The following KLHL15 variants were observed in gnomAD, a reference collection of about 807,000 sequenced individuals.
KLHL15 encodes kelch-like protein 15.
Under a neutral mutation model 29.3 loss-of-function variants are expected in KLHL15, and 1 was observed. The observed-to-expected ratio is 0.03, with a 90% CI of 0.01 to 0.16. The LOEUF is 0.16. Ranked by LOEUF, KLHL15 falls within the 10% of genes least tolerant of loss-of-function variation. KLHL15 has a pLI of 1.00. For synonymous variants in KLHL15, 212 were observed against 184.5 expected (o/e 1.15, Z -1.21); for missense variants, 215 against 478.5 (o/e 0.45, Z 5.14).
intron 2 of KLHL15, among the ~76,000 whole-genome samples, chrX:24,011,178 A>C (rs1242289386): frequency 9.2e-6 from 1 of 108,618 alleles, no homozygotes; most frequent in Non-Finnish European, 1.9e-5. Context: ...AAAAAAAAAA[A>C]AAAAGAAAAA....
chrX:24,022,722 GTTTT>G (rs530143102), intron 2 of KLHL15, among the ~76,000 whole-genome samples: 1 of 99,761 alleles, frequency 1.0e-5, no homozygotes, highest in Non-Finnish European at 2.0e-5. Flanking sequence ...CTGTTTCGCG[GTTTT>G]TTTTTTTTTT....
Position 24,006,572 on chromosome X carries a change from T to A in KLHL15, c.122A>T (p.Gln41Leu). Residue 41 changes from glutamine to leucine, a missense_variant, in exon 3 of 4, where the codon CAG becomes CTG. Transcript: ENST00000328046. Reference sequence around the variant, plus strand: ...CAAGAGTGCTTTATGGGCCTGGAACTGATGATCTTCAATAACCAGAGTGAC... The same window carrying A: ...CAAGAGTGCTTTATGGGCCTGGAACAGATGATCTTCAATAACCAGAGTGAC... Reference protein sequence around the residue: ...LDVTLVIEDHQFQAHKALLAT... With the variant: ...LDVTLVIEDHLFQAHKALLAT... The A allele has an allele frequency of 8.3e-7, 1 of 1,211,271 alleles. No homozygotes were observed. Among genetic ancestry groups the A allele is most frequent in the African/African-American group, 1.7e-5 (1 of 57,721 alleles).
At chrX:23,996,642 GAC>G (rs967042327) in intron 3 of KLHL15, among the ~76,000 whole-genome samples, 4 of 111,453 alleles carry the variant, frequency 3.6e-5, no homozygotes, top group African/African-American at 1.3e-4. Flanking sequence ...CAGCTTGGAT[GAC>G]AGAGCGAGAC....
intron 2 of KLHL15, among the ~76,000 whole-genome samples, chrX:24,016,368 AGG>A (rs1352790453): frequency 6.5e-5 from 5 of 76,500 alleles, no homozygotes; most frequent in Admixed American, 5.7e-4. Flanking sequence ...AAAAAAAAAA[AGG>A]GGGGGTATAC....
chrX:24,014,744 C>G (rs1418261849), intron 2 of KLHL15, among the ~76,000 whole-genome samples: 1 of 112,086 alleles, frequency 8.9e-6, no homozygotes, highest in Non-Finnish European at 1.9e-5. Flanking sequence ...TCCTAGCAGG[C>G]AGCCTCCCAC....
intron 2 of KLHL15, among the ~76,000 whole-genome samples, chrX:24,010,042 C>A (rs942754044): frequency 9.2e-6 from 1 of 109,057 alleles, no homozygotes; most frequent in Non-Finnish European, 1.9e-5. Flanking sequence ...TCTTTCACAC[C>A]TCTTCAATGT....
At chrX:23,999,565 T>C (rs998320802) in intron 3 of KLHL15, among the ~76,000 whole-genome samples, 2 of 92,092 alleles carry the variant, frequency 2.2e-5, no homozygotes, top group Non-Finnish European at 4.0e-5. Context: ...ACTGCAGTCC[T>C]GCCTGGGCGA....
Position 24,027,123 on chromosome X carries a change from T to A in KLHL15, c.-210+17A>T, listed in dbSNP as rs1455415976. 1.8e-5 allele frequency: 2 copies of A among 112,334 alleles called. No homozygotes were observed. Among genetic ancestry groups the A allele is most frequent in the Non-Finnish European group, 3.7e-5 (2 of 53,338 alleles). The allele number at this position is 112,334 out of a possible 1,213,427, so 9.3% of individuals were successfully genotyped here. On this transcript the variant is annotated intron_variant, in intron 1 of 3. Coordinates refer to ENST00000328046, the MANE Select transcript of KLHL15 (RefSeq NM_030624.3). ...TTAACTAACATTTTAAGCTATACAT[T>A]ACTATGTGGCACTGACCTGTCTAAA...
intron 3 of KLHL15, among the ~76,000 whole-genome samples, chrX:24,003,766 T>C (rs1259257842): frequency 1.9e-5 from 2 of 106,062 alleles, no homozygotes; most frequent in African/African-American, 6.9e-5. Flanking sequence ...TCTTCGATGA[T>C]GGTCCCACAG....
Position 24,009,176 on chromosome X carries a change from T to C in KLHL15, c.-7-2476A>G, listed in dbSNP as rs748618128. Among the ~76,000 whole-genome samples, 457 of 109,121 alleles carry C rather than the reference T, an allele frequency of 4.2e-3. 4 individuals are homozygous for C. The highest frequency in any genetic ancestry group is 7.4e-3 in the Admixed American group (75 of 10,194). 94.8% of individuals were successfully genotyped at this position (109,121 alleles called of 115,157 possible). A position where few individuals can be genotyped will look rare whatever the true frequency, so the allele number is the denominator to read the frequency against. On this transcript the variant is annotated intron_variant, in intron 2 of 3. Transcript: ENST00000328046. ...GAGTTCAAGACCAGCCTGGGCAACA[T>C]GGTAAAACCCTGTCTCTACTAAAAA...
In KLHL15 at chrX:23,988,655, G is replaced by C. The variant is rs1259986349; in HGVS notation, c.1081C>G (p.Gln361Glu). 2 of 1,211,382 alleles carry C rather than the reference G, an allele frequency of 1.7e-6. No homozygotes were observed. The highest frequency in any genetic ancestry group is 2.2e-6 in the Non-Finnish European group (2 of 895,440). Reference protein sequence around the residue: ...RYDPRQNSWLQMADMSVPRSE... With the variant: ...RYDPRQNSWLEMADMSVPRSE... ...CGTGGTACAGACATATCTGCCATCTGCAGCCAGGAGTTCTGTCTCGGGTCA... is the reference window on the plus strand; with the variant it reads ...CGTGGTACAGACATATCTGCCATCTCCAGCCAGGAGTTCTGTCTCGGGTCA... Residue 361 changes from glutamine to glutamate, a missense_variant, in exon 4 of 4, where the codon CAG becomes GAG. By Grantham distance (29) the Gln-to-Glu change is conservative. Coordinates refer to ENST00000328046, the MANE Select transcript of KLHL15 (RefSeq NM_030624.3).
At chrX:23,991,507 G>A (rs755609364) in intron 3 of KLHL15, among the ~76,000 whole-genome samples, 3 of 109,626 alleles carry the variant, frequency 2.7e-5, no homozygotes, top group Non-Finnish European at 5.7e-5. Flanking sequence ...CAACAACAGC[G>A]AAACTCTTAT....
Position 24,014,943 on chromosome X carries a change from T to C in KLHL15, c.-7-8243A>G, listed in dbSNP as rs760712909. ...TGTGGGCACCCACTTCTGTCTGCCATGTGGGCTGAAGATCAGAGAAAGGCA... is the reference window on the plus strand; with the variant it reads ...TGTGGGCACCCACTTCTGTCTGCCACGTGGGCTGAAGATCAGAGAAAGGCA... On this transcript the variant is annotated intron_variant, in intron 2 of 3. Transcript: ENST00000328046. Among the ~76,000 whole-genome samples the C allele has an allele frequency of 9.4e-4, 105 of 112,290 alleles. 1 individual carries two copies. Among genetic ancestry groups the C allele is most frequent in the African/African-American group, 3.3e-3 (101 of 30,984 alleles).
At chrX:24,015,670 T>C (rs1246837388) in intron 2 of KLHL15, among the ~76,000 whole-genome samples, 2 of 112,421 alleles carry the variant, frequency 1.8e-5, no homozygotes, top group East Asian at 5.6e-4. Context: ...CTCTGTGATA[T>C]TGGGGCAAGC....
At chrX:24,007,884 AAC>A (rs756129523) in intron 2 of KLHL15, among the ~76,000 whole-genome samples, 2 of 109,837 alleles carry the variant, frequency 1.8e-5, no homozygotes, top group South Asian at 4.1e-4. Context: ...AAATGATGTC[AAC>A]AGTTTATTTT....
chrX:24,008,888 A>C (rs1015753499), intron 2 of KLHL15, among the ~76,000 whole-genome samples: 11 of 108,279 alleles, frequency 1.0e-4, no homozygotes, highest in African/African-American at 3.8e-4. Flanking sequence ...AAAAAACAAA[A>C]CAAAAAAAAA....
intron 2 of KLHL15, 48 bp downstream of exon 2, chrX:24,024,809 G>A (rs1015358408): frequency 6.7e-6 from 2 of 296,710 alleles, no homozygotes; most frequent in South Asian, 2.0e-4. Context: ...TCGGGGCCGC[G>A]GGCGAAGCCC....
chrX:24,022,491 G>A (rs1240393194), intron 2 of KLHL15, among the ~76,000 whole-genome samples: 2 of 108,604 alleles, frequency 1.8e-5, no homozygotes, highest in Non-Finnish European at 3.8e-5. Flanking sequence ...AAAATTAGCC[G>A]GGCGTGGTGG....
rs948497273 is a variant in KLHL15, at chrX:24,024,954, A to T, written c.-105T>A. The T allele has an allele frequency of 6.7e-6, 2 of 297,796 alleles. No homozygotes were observed. Among genetic ancestry groups the T allele is most frequent in the Non-Finnish European group, 1.2e-5 (2 of 170,188 alleles). 24.5% of individuals were successfully genotyped at this position (297,796 alleles called of 1,213,427 possible). ...GTGGGCGGTCGGGCGCCGGGACGGC[A>T]CTCGGCAGGCTCCTCGGACGTCTAC... On this transcript the variant is annotated 5_prime_UTR_variant, in exon 2 of 4. Transcript: ENST00000328046.
Sources: gnomAD v4.1 joint callset for allele counts (sites outside exome capture counted in the v4.1 genomes callset) on GRCh38, gnomAD v4.1.1 for gene constraint, MANE v1.5 for transcripts, NCBI Gene and HGNC (gene_info 2026-07-23, HGNC 2026-07-21) for gene names.